The following EIF4G3 variants were observed in gnomAD, a reference collection of about 807,000 sequenced individuals.
The protein encoded by EIF4G3 is eIF-4-gamma 3.
In EIF4G3, 34 loss-of-function variants were observed where a neutral mutation model predicts 186.4. That is an observed-to-expected ratio of 0.18 (90% CI 0.14 to 0.24). The LOEUF (loss-of-function observed/expected upper bound fraction) is 0.24, where lower values mean the gene tolerates loss of function less well. Ranked by LOEUF, EIF4G3 falls within the 10% of genes least tolerant of loss-of-function variation. The probability of loss-of-function intolerance (pLI) is 1.00; values close to 1 mark genes in which losing one functional copy is unlikely to be tolerated. For synonymous variants in EIF4G3, 673 were observed against 679.5 expected (o/e 0.99, Z 0.15); for missense variants, 1,536 against 1,948.5 (o/e 0.79, Z 3.99).
intron 20 of EIF4G3, among the ~76,000 whole-genome samples, chr1:20,874,456 C>T (rs1572033707): frequency 6.6e-6 from 1 of 152,062 alleles, no homozygotes; most frequent in African/African-American, 2.4e-5. Context: ...TATTTGTTGG[C>T]CGCGTAAATG....
rs183858626 is a variant in EIF4G3, at chr1:20,959,695, A to C, written c.715-9584T>G. Among the ~76,000 whole-genome samples, 771 of 146,412 alleles carry C rather than the reference A, an allele frequency of 5.3e-3. 5 individuals carry two copies. The highest frequency in any genetic ancestry group is 0.029 in the Middle Eastern group (8 of 274). ...TAATAATAATAATAATAATAATAAT[A>C]ATCCCATCAAAAAGTGGGCAAAGGA... On this transcript the variant is annotated intron_variant, in intron 12 of 36. Transcript: ENST00000602326.
chr1:20,827,253 TATAGACTGACAGCCTGCC>T (rs1362736729), intron 32 of EIF4G3, among the ~76,000 whole-genome samples: 4 of 152,220 alleles, frequency 2.6e-5, no homozygotes, highest in Admixed American at 6.5e-5. Context: ...GTTCCCACTT[TATAGACTGACAGCCTGCC>T]ATAGACTGAC....
intron 2 of EIF4G3, among the ~76,000 whole-genome samples, chr1:21,151,940 C>A (rs944260509): frequency 5.9e-5 from 9 of 152,066 alleles, no homozygotes; most frequent in African/African-American, 2.2e-4. Context: ...GTATAAAAGA[C>A]AAGTTCAAAC....
intron 11 of EIF4G3, among the ~76,000 whole-genome samples, chr1:20,970,670 T>C (rs562098825): frequency 2.0e-5 from 3 of 150,388 alleles, no homozygotes; most frequent in East Asian, 2.0e-4. Context: ...GTAAAAAGAG[T>C]GAGGCAGATC....
At chr1:20,858,392 T>C (rs560446543) in intron 24 of EIF4G3, among the ~76,000 whole-genome samples, 5 of 152,204 alleles carry the variant, frequency 3.3e-5, no homozygotes, top group African/African-American at 1.2e-4. Context: ...TACTACTCCC[T>C]TTGCCTAAAA....
At chr1:21,010,931 G>A (rs1171485661) in intron 4 of EIF4G3, among the ~76,000 whole-genome samples, 1 of 152,144 alleles carries the variant, frequency 6.6e-6, no homozygotes, top group East Asian at 1.9e-4. Flanking sequence ...TCACAGTGTG[G>A]TCCACAGAGT....
chr1:20,916,569 C>T (rs1043336236), intron 14 of EIF4G3, among the ~76,000 whole-genome samples: 2 of 152,000 alleles, frequency 1.3e-5, no homozygotes, highest in African/African-American at 4.8e-5. Flanking sequence ...CAAATTTCAA[C>T]TGTCTTTTTT....
chr1:20,918,093 C>G (rs2094106509), intron 14 of EIF4G3, among the ~76,000 whole-genome samples: 1 of 152,138 alleles, frequency 6.6e-6, no homozygotes, highest in South Asian at 2.1e-4. Context: ...TAATATTCCT[C>G]TCTCCCAACT....
At chr1:21,170,716 T>C (rs924475850) in intron 2 of EIF4G3, among the ~76,000 whole-genome samples, 4 of 151,762 alleles carry the variant, frequency 2.6e-5, no homozygotes, top group Non-Finnish European at 5.9e-5. Flanking sequence ...TGGTAGAGCA[T>C]AGTAGCTAAC....
intron 20 of EIF4G3, among the ~76,000 whole-genome samples, chr1:20,871,917 G>A (rs2079307178): frequency 6.6e-6 from 1 of 151,776 alleles, no homozygotes; most frequent in Admixed American, 6.6e-5. Context: ...TCCACCTCCT[G>A]GGTTCAAGTG....
chr1:21,137,862 C>T (rs949902609), intron 2 of EIF4G3, among the ~76,000 whole-genome samples: 34 of 148,764 alleles, frequency 2.3e-4, no homozygotes, highest in Admixed American at 6.0e-4. Flanking sequence ...CAGATTGAAA[C>T]TTCAAAAATA....
chr1:20,986,744 CAAAAAAAAAAAAAAAAAA>C (rs61255473), intron 7 of EIF4G3, among the ~76,000 whole-genome samples: 2 of 66,304 alleles, frequency 3.0e-5, no homozygotes, highest in Admixed American at 2.5e-4. Context: ...GCTCTGTCTC[CAAAAAAAAAAAAAAAAAA>C]AAAAAAAAAG....
At chr1:20,896,213 T>G (rs577284818) in intron 16 of EIF4G3, among the ~76,000 whole-genome samples, 2 of 152,108 alleles carry the variant, frequency 1.3e-5, no homozygotes, top group East Asian at 3.9e-4. Flanking sequence ...TCCCAGTACT[T>G]TGGGAGGCCA....
At chr1:21,118,091 T>A (rs2096860633) in intron 2 of EIF4G3, among the ~76,000 whole-genome samples, 2 of 152,222 alleles carry the variant, frequency 1.3e-5, no homozygotes, top group Admixed American at 1.3e-4. Context: ...CTCCTTTTAT[T>A]TGAGAAGACA....
At chr1:20,929,284 C>T (rs1373841409) in intron 14 of EIF4G3, 1 of 152,112 alleles carries the variant, frequency 6.6e-6, no homozygotes, top group African/African-American at 2.4e-5. Context: ...ACAGATTTTC[C>T]TTCACTGTTC....
At chr1:21,019,944 T>C (rs1393364171) in intron 4 of EIF4G3, among the ~76,000 whole-genome samples, 1 of 152,036 alleles carries the variant, frequency 6.6e-6, no homozygotes, top group Non-Finnish European at 1.5e-5. Flanking sequence ...CTATAAATAA[T>C]TAAATAAAAC....
At chr1:21,154,351 A>G (rs1391198515) in intron 2 of EIF4G3, among the ~76,000 whole-genome samples, 1 of 152,186 alleles carries the variant, frequency 6.6e-6, no homozygotes, top group African/African-American at 2.4e-5. Flanking sequence ...AAGTACAGAG[A>G]AAGGAATAGA....
At chr1:20,857,381 G>T in intron 25 of EIF4G3, 22 bp downstream of exon 25, 2 of 1,579,798 alleles carry the variant, frequency 1.3e-6, no homozygotes, top group Non-Finnish European at 1.7e-6. Flanking sequence ...AGCGTAAATT[G>T]TACTTTAAAT....
rs1399747394 is a variant in EIF4G3, at chr1:21,002,796, A to C, written c.-54T>G. ...GTGGTTGGACCTGCATTCTGTCCAG[A>C]GGGATAAGGGGTCTGTCAAAAAATG... On this transcript the variant is annotated 5_prime_UTR_variant, in exon 5 of 37. Coordinates refer to ENST00000602326, the MANE Select transcript of EIF4G3 (RefSeq NM_001391906.1). The C allele has an allele frequency of 1.3e-6, 2 of 1,593,192 alleles. No homozygotes were observed. The highest frequency in any genetic ancestry group is 2.7e-5 in the African/African-American group (2 of 74,386).
Sources: gnomAD v4.1 joint callset for allele counts (sites outside exome capture counted in the v4.1 genomes callset) on GRCh38, gnomAD v4.1.1 for gene constraint, MANE v1.5 for transcripts, NCBI Gene and HGNC (gene_info 2026-07-23, HGNC 2026-07-21) for gene names.